The following SZT2 variants were observed in gnomAD, a reference collection of about 807,000 sequenced individuals.
SZT2 encodes KICSTOR complex protein SZT2.
A neutral mutation model predicts 404.2 loss-of-function variants in SZT2; 216 were observed. The ratio of observed to expected loss-of-function variants is 0.53; its 90% CI spans 0.48 to 0.60. The LOEUF (loss-of-function observed/expected upper bound fraction) is 0.60, where lower values mean the gene tolerates loss of function less well. SZT2 is among the 20% of genes least tolerant of loss of function. SZT2 has a pLI of 0.00. For synonymous variants in SZT2, 1,693 were observed against 1,749.9 expected, an observed-to-expected ratio of 0.97 and a Z score of 0.81; for missense variants, 3,857 against 4,459.2, an observed-to-expected ratio of 0.86 and a Z score of 3.85.
intron 13 of SZT2, 23 bp downstream of exon 13, chr1:43,422,655 A>ACCCCCTCCCC: frequency 9.1e-7 from 1 of 1,095,026 alleles, no homozygotes; most frequent in South Asian, 1.5e-5. Context: ...ATGTCCCTTC[A>ACCCCCTCCCC]CCCCCCGCCC....
At position 43,429,779 on chromosome 1, in the gene SZT2, ATCTC is replaced by A; in HGVS notation, c.4247_4250del (p.Ser1416Ter). ...TGGCATTCCAGACCCTGGGCCAGAG[ATCTC>A]TCTGACAGATGTCTGCCAGCTCAGA... On this transcript the variant is annotated frameshift_variant, in exon 29 of 72. Coordinates refer to ENST00000634258, the MANE Select transcript of SZT2 (RefSeq NM_001365999.1). LOFTEE classifies it high-confidence loss of function. The A allele has an allele frequency of 6.2e-7, 1 of 1,614,166 alleles. No individual in the cohort carries two copies. The highest frequency in any genetic ancestry group is 8.5e-7 in the Non-Finnish European group (1 of 1,180,024).
chr1:43,393,945 G>A (rs1230362113), intron 1 of SZT2: 2 of 258,346 alleles, frequency 7.7e-6, no homozygotes, highest in East Asian at 1.8e-4. Context: ...GAAAAATTAA[G>A]TAACTTGTCC....
At position 43,403,187 on chromosome 1, in the gene SZT2, C is replaced by T. The variant is rs1649888610; in HGVS notation, c.38C>T (p.Ala13Val). Residue 13 changes from alanine to valine, a missense_variant, in exon 2 of 72, where the codon GCT becomes GTT. Physicochemically the swap from Ala to Val is moderately conservative, Grantham distance 64. Around this residue, in one of 7 missense-constraint regions of SZT2, gnomAD observed 536 missense variants for 637.4 expected, o/e 0.84. Transcript: ENST00000634258. ...TCTCTTTGTTCCCAGGTGGAAGAAG[C>T]TGGGCAGGTGTTCCTGTTAATGAAA... ...SERPEPEVEE[A>V]GQVFLLMKKD... The T allele has an allele frequency of 6.2e-7, 1 of 1,613,944 alleles. No homozygotes were observed. The highest frequency in any genetic ancestry group is 1.3e-5 in the African/African-American group (1 of 74,906).
At position 43,453,697 on chromosome 1, in the gene SZT2, C is replaced by G. The variant is rs775021587; in HGVS notation, c.*3217C>G. 2.7e-4 allele frequency: 382 copies of G among 1,437,294 alleles called. No individual in the cohort carries two copies. The highest frequency in any genetic ancestry group is 3.2e-4 in the Non-Finnish European group (353 of 1,105,310). 89.0% of individuals were successfully genotyped at this position (1,437,294 alleles called of 1,614,324 possible). A position where few individuals can be genotyped will look rare whatever the true frequency, so the allele number is the denominator to read the frequency against. On this transcript the variant is annotated 3_prime_UTR_variant, in exon 72 of 72. Coordinates refer to ENST00000634258, the MANE Select transcript of SZT2 (RefSeq NM_001365999.1). ...TACGGCCAGGCCACCTCGACGGCCT[C>G]GAAGCCCGAGCTGCCCGCGGCCCGC... is the stretch of plus-strand genomic sequence containing the variant.
At chr1:43,415,457 AG>A in intron 5 of SZT2, among the ~76,000 whole-genome samples, 1 of 152,234 alleles carries the variant, frequency 6.6e-6, no homozygotes, top group South Asian at 2.1e-4. Flanking sequence ...TTTTAGCCCC[AG>A]ATCTCCTCCA....
In SZT2 at chr1:43,448,856, G is replaced by A. The variant is rs1463879341; in HGVS notation, c.10086+128G>A. The A allele has an allele frequency of 2.4e-5, 20 of 846,144 alleles. No individual in the cohort carries two copies. In the East Asian group the frequency reaches 4.6e-4, roughly 19 times the overall value. The allele number at this position is 846,144 out of a possible 1,614,324, so 52.4% of individuals were successfully genotyped here. A position where few individuals can be genotyped will look rare whatever the true frequency, so the allele number is the denominator to read the frequency against. On this transcript the variant is annotated intron_variant, in intron 70 of 71. Coordinates refer to ENST00000634258, the MANE Select transcript of SZT2 (RefSeq NM_001365999.1). This position sits in a 1 kb window ranked among gnomAD's most constrained non-coding sequence, Gnocchi z 4.2. ...GGCCTAGACAGAACGGGACTACACA[G>A]ATACATGTAAAACCCTTCCAGTACC...
chr1:43,452,539 G>A lies in SZT2; in HGVS notation c.*2059G>A. Reference sequence around the variant, plus strand: ...TCTCAGTGTCCACCCACCGCCTCCTGCCTCCAGTACTTTCCAAAACCTTTC... The same window carrying A: ...TCTCAGTGTCCACCCACCGCCTCCTACCTCCAGTACTTTCCAAAACCTTTC... On this transcript the variant is annotated 3_prime_UTR_variant, in exon 72 of 72. Transcript: ENST00000634258. 3.1e-6 allele frequency: 2 copies of A among 653,756 alleles called. No individual in the cohort carries two copies. The highest frequency in any genetic ancestry group is 5.6e-6 in the Non-Finnish European group (2 of 356,406). The allele number at this position is 653,756 out of a possible 1,614,324, so 40.5% of individuals were successfully genotyped here. A position where few individuals can be genotyped will look rare whatever the true frequency, so the allele number is the denominator to read the frequency against.
rs1297732980 is a variant in SZT2 at position 43,453,468 on chromosome 1, C to T, written c.*2988C>T. ...GCCGCCTGTCTCCCGGGGACGGCCC[C>T]CAGCCCCATTTCCCCCTTCTCTTGG... On this transcript the variant is annotated 3_prime_UTR_variant, in exon 72 of 72. Coordinates refer to ENST00000634258, the MANE Select transcript of SZT2 (RefSeq NM_001365999.1). The T allele has an allele frequency of 1.1e-5, 17 of 1,561,608 alleles. No individual in the cohort carries two copies. In the East Asian group the frequency reaches 4.1e-4, roughly 38 times the overall value.
Position 43,424,815 on chromosome 1 carries a change from T to C in SZT2, c.2503T>C (p.Cys835Arg). Residue 835 changes from cysteine (C) to arginine (R), a missense_variant, in exon 17 of 72, where the codon TGC becomes CGC. Transcript: ENST00000634258. This position sits in a 1 kb window ranked among gnomAD's most constrained non-coding sequence, Gnocchi z 4.1. ...ACTTTCTGAAGGATTCCACTTCGCCTGCAGTGGGGAAGGAATCATCAACAT... is the reference window on the plus strand; with the variant it reads ...ACTTTCTGAAGGATTCCACTTCGCCCGCAGTGGGGAAGGAATCATCAACAT... ...VRLSEGFHFA[C>R]SGEGIINMVL... The C allele has an allele frequency of 6.2e-7, 1 of 1,614,064 alleles. No individual in the cohort carries two copies. The highest frequency in any genetic ancestry group is 1.1e-5 in the South Asian group (1 of 91,080).
chr1:43,450,829 T>C lies in SZT2; in HGVS notation c.*349T>C, dbSNP rs371626544. 1.9e-4 allele frequency: 131 copies of C among 707,644 alleles called. 1 individual carries two copies. The African/African-American group carries it at 1.9e-3, about 10-fold the overall frequency. 43.8% of individuals were successfully genotyped at this position (707,644 alleles called of 1,614,324 possible). A position where few individuals can be genotyped will look rare whatever the true frequency, so the allele number is the denominator to read the frequency against. On this transcript the variant is annotated 3_prime_UTR_variant, in exon 72 of 72. Transcript: ENST00000634258. This position sits in a 1 kb window ranked among gnomAD's most constrained non-coding sequence, Gnocchi z 4.3. ...CCCTAGAGCTCCTCTGCCTGAATCC[T>C]GCCCCCTAGCCTTTGACCACTGTCA...
In SZT2 at chr1:43,443,022, A is replaced by G. The variant is rs1005495298; in HGVS notation, c.8355A>G (p.Arg2785=). The G allele has an allele frequency of 2.5e-6, 4 of 1,613,950 alleles. No individual in the cohort carries two copies. The highest frequency in any genetic ancestry group is 2.7e-5 in the African/African-American group (2 of 74,978). ...GCTCCGTACTTGGTCCTGTGCCCAG[A>G]CCTCCTGATCCTGTCACCTACCATG... The part of the protein sequence containing the change: ...RPSSVLGPVP[R]PPDPVTYHGQ... The change falls in exon 59 of 72, where the codon AGA becomes AGG. Residue 2785 remains arginine, a synonymous_variant. Transcript: ENST00000634258.
rs1317413792 is a variant in SZT2, at chr1:43,427,151, T to G, written c.3405T>G (p.Phe1135Leu). 1 of 1,614,186 alleles carries G rather than the reference T, an allele frequency of 6.2e-7. No individual in the cohort carries two copies. The highest frequency in any genetic ancestry group is 8.5e-7 in the Non-Finnish European group (1 of 1,180,032). Residue 1135 changes from phenylalanine to leucine, a missense_variant, in exon 24 of 72, where the codon TTT (phenylalanine) becomes TTG (leucine). This residue lies in a region of SZT2 where 1,725 missense variants were observed against 1,881.0 expected (regional missense o/e 0.92). Transcript: ENST00000634258. ...YARLVNPQHV[F>L]LTFLPATFSD... The stretch of plus-strand genomic sequence containing the variant: ...GGCTTGTGAACCCCCAGCATGTGTT[T>G]CTGACTTTTCTCCCAGCTACCTTCT...
intron 35 of SZT2, 96 bp downstream of exon 35, chr1:43,431,619 T>A (rs1553150249): frequency 1.9e-6 from 3 of 1,593,604 alleles, no homozygotes; most frequent in Non-Finnish European, 2.6e-6. Context: ...GTGAGGCCTC[T>A]CTCAGTCTGT....
Position 43,438,829 on chromosome 1 carries a change from T to G in SZT2, c.6627+12T>G. 2.5e-6 allele frequency: 4 copies of G among 1,612,106 alleles called. No individual in the cohort carries two copies. The highest frequency in any genetic ancestry group is 3.4e-6 in the Non-Finnish European group (4 of 1,178,604). On this transcript the variant is annotated intron_variant, in intron 47 of 71. Transcript: ENST00000634258. The stretch of plus-strand genomic sequence containing the variant: ...CAGCTGATGTGGAGGTCAGCTCCCC[T>G]CTAGGCACCAGCATCCTTCCCAGAC...
chr1:43,415,698 T>G (rs1255713097), intron 5 of SZT2, among the ~76,000 whole-genome samples: 3 of 152,176 alleles, frequency 2.0e-5, no homozygotes, highest in African/African-American at 7.2e-5. Flanking sequence ...GGGCCCTTCT[T>G]GGCAAAAGAT....
In SZT2 at chr1:43,426,983, C is replaced by G. The variant is rs1422022396; in HGVS notation, c.3310-73C>G. The G allele has an allele frequency of 2.5e-6, 4 of 1,598,020 alleles. No individual in the cohort carries two copies. The highest frequency in any genetic ancestry group is 2.7e-5 in the African/African-American group (2 of 74,502). On this transcript the variant is annotated intron_variant, in intron 23 of 71. Transcript: ENST00000634258. The surrounding 1 kb of genome is among the most constrained non-coding windows in gnomAD (Gnocchi z 4.9). The stretch of plus-strand genomic sequence containing the variant: ...AAGCTATACCTAAGATGAGTCAGCT[C>G]TAGGGTGGAGGAGGGGAACAGGGGT...
chr1:43,452,631 T>A lies in SZT2; in HGVS notation c.*2151T>A. On this transcript the variant is annotated 3_prime_UTR_variant, in exon 72 of 72. Transcript: ENST00000634258. ...CTCACCTTTAAAAATTGTCCTGACCTTTGCTTGCCCTTCTCAGGTATTCCA... is the reference window on the plus strand; with the variant it reads ...CTCACCTTTAAAAATTGTCCTGACCATTGCTTGCCCTTCTCAGGTATTCCA... The A allele has an allele frequency of 3.4e-6, 2 of 596,532 alleles. No homozygotes were observed. The highest frequency in any genetic ancestry group is 6.0e-6 in the Non-Finnish European group (2 of 334,168). The allele number at this position is 596,532 out of a possible 1,614,324, so 37.0% of individuals were successfully genotyped here.
intron 10 of SZT2, 65 bp from the exon 11 acceptor site, chr1:43,421,109 T>A: frequency 6.3e-7 from 1 of 1,596,696 alleles, no homozygotes; most frequent in Non-Finnish European, 8.5e-7. Flanking sequence ...CATGTCCCCC[T>A]AAGGCTCCCC....
Position 43,443,405 on chromosome 1 carries a change from A to C in SZT2, c.8553A>C (p.Ala2851=). ...KQSSRLVHYC[A]TAMLFDPAAW... is the part of the protein sequence containing the mutation. Reference sequence around the variant, plus strand: ...CATCCCGCCTGGTGCATTACTGTGCAACAGCCATGCTCTTCGACCCAGCTG... The same window carrying C: ...CATCCCGCCTGGTGCATTACTGTGCCACAGCCATGCTCTTCGACCCAGCTG... Residue 2851 remains alanine, a synonymous_variant, in exon 61 of 72, where the codon GCA becomes GCC. Transcript: ENST00000634258. 1 of 1,614,166 alleles carries C rather than the reference A, an allele frequency of 6.2e-7. No individual in the cohort carries two copies. The highest frequency in any genetic ancestry group is 1.1e-5 in the South Asian group (1 of 91,078).
Sources: allele counts gnomAD v4.1 joint callset (sites outside exome capture counted in the v4.1 genomes callset), GRCh38; gene constraint gnomAD v4.1.1; regional missense constraint gnomAD v4.1.1; non-coding constraint Gnocchi (gnomAD v3.1); transcripts MANE v1.5; gene names NCBI Gene and HGNC (gene_info 2026-07-23, HGNC 2026-07-21).